The following PDE3A variants were observed in gnomAD, a reference collection of about 807,000 sequenced individuals.
PDE3A encodes phosphodiesterase 3A.
PDE3A carries 43 observed loss-of-function variants against 98.3 expected under a neutral mutation model. The observed-to-expected ratio is 0.44, with a 90% confidence interval of 0.34 to 0.56. The LOEUF is 0.56. Among genes scored for constraint, PDE3A ranks in the 20% least tolerant of loss-of-function variants. The probability of loss-of-function intolerance (pLI) is 0.01; values close to 1 mark genes in which losing one functional copy is unlikely to be tolerated. For synonymous variants in PDE3A, 663 were observed against 567.9 expected, an observed-to-expected ratio of 1.17 and a Z score of -2.38; for missense variants, 1,427 against 1,440.7, an observed-to-expected ratio of 0.99 and a Z score of 0.15.
intron 1 of PDE3A, among the ~76,000 whole-genome samples, chr12:20,518,815 A>G (rs1047149609): frequency 6.6e-6 from 1 of 152,220 alleles, no homozygotes; most frequent in African/African-American, 2.4e-5. Flanking sequence ...CGCAACACTT[A>G]GATAGGACTT....
At chr12:20,420,448 A>T (rs1944493615) in intron 1 of PDE3A, among the ~76,000 whole-genome samples, 1 of 152,134 alleles carries the variant, frequency 6.6e-6, no homozygotes, top group African/African-American at 2.4e-5. Context: ...GGTAGAGGCT[A>T]CCCTGGAATA....
intron 1 of PDE3A, among the ~76,000 whole-genome samples, chr12:20,380,674 T>A (rs147552122): frequency 7.0e-4 from 106 of 151,890 alleles, no homozygotes; most frequent in African/African-American, 2.5e-3. Context: ...GTCAAGTTTC[T>A]TTTTATCTGT....
At position 20,486,228 on chromosome 12, in the gene PDE3A, C is replaced by T. The variant is rs573183907; in HGVS notation, c.961-70432C>T. 2.2e-4 allele frequency among the ~76,000 whole-genome samples: 33 copies of T among 152,126 alleles called. No individual in the cohort carries two copies. In the South Asian group the frequency reaches 3.5e-3, roughly 16 times the overall value. ...CAGTTCTACATGGCTGGGGAGGCCT[C>T]GGGAAACTTACAATCATGGTGGAAG... On this transcript the variant is annotated intron_variant, in intron 1 of 15. Coordinates refer to ENST00000359062, the MANE Select transcript of PDE3A (RefSeq NM_000921.5).
intron 1 of PDE3A, among the ~76,000 whole-genome samples, chr12:20,550,559 TA>T (rs1844437186): frequency 6.6e-6 from 1 of 152,086 alleles, no homozygotes; most frequent in African/African-American, 2.4e-5. Context: ...ATAATGCCAG[TA>T]AATCCATAAA....
At chr12:20,456,538 C>T (rs1565555259) in intron 1 of PDE3A, among the ~76,000 whole-genome samples, 1 of 152,126 alleles carries the variant, frequency 6.6e-6, no homozygotes, top group East Asian at 1.9e-4. Flanking sequence ...CAAAGCAAAA[C>T]CAACTTATAA....
rs555896942 is a variant in PDE3A at position 20,510,134 on chromosome 12, T to C, written c.961-46526T>C. Among the ~76,000 whole-genome samples, 8 of 152,174 alleles carry C rather than the reference T, an allele frequency of 5.3e-5. 1 individual carries two copies. In the South Asian group the frequency reaches 1.7e-3, roughly 32 times the overall value. Reference sequence around the variant, plus strand: ...GGCTTTATTTAGATAGCAACACATTTTATCAGTATTTTCTTCTAAATTTTT... The same window carrying C: ...GGCTTTATTTAGATAGCAACACATTCTATCAGTATTTTCTTCTAAATTTTT... On this transcript the variant is annotated intron_variant, in intron 1 of 15. Coordinates refer to ENST00000359062, the MANE Select transcript of PDE3A (RefSeq NM_000921.5).
chr12:20,613,250 G>A (rs1338417298), intron 2 of PDE3A, among the ~76,000 whole-genome samples, 193 bp from the exon 3 acceptor site: 1 of 152,022 alleles, frequency 6.6e-6, no homozygotes, highest in East Asian at 1.9e-4. Context: ...TAAAAAATGG[G>A]CCACAAATGC....
chr12:20,574,610 A>ACAT (rs1290953582), intron 2 of PDE3A, among the ~76,000 whole-genome samples: 45 of 151,992 alleles, frequency 3.0e-4, no homozygotes, highest in African/African-American at 1.1e-3. Context: ...ATCACCATCA[A>ACAT]CATCATCATC....
At chr12:20,398,839 GT>G (rs1200533822) in intron 1 of PDE3A, among the ~76,000 whole-genome samples, 1 of 152,148 alleles carries the variant, frequency 6.6e-6, no homozygotes, top group South Asian at 2.1e-4. Flanking sequence ...AATTTACCAT[GT>G]TAACCATTTT....
At chr12:20,462,038 G>A (rs1945260278) in intron 1 of PDE3A, among the ~76,000 whole-genome samples, 1 of 152,156 alleles carries the variant, frequency 6.6e-6, no homozygotes, top group Non-Finnish European at 1.5e-5. Context: ...CTTAGATGTA[G>A]ATAGAGTTGG....
At chr12:20,453,617 C>G (rs770823775) in intron 1 of PDE3A, among the ~76,000 whole-genome samples, 1 of 152,106 alleles carries the variant, frequency 6.6e-6, no homozygotes, top group East Asian at 1.9e-4. Context: ...CTTAAAGGAG[C>G]CAGAGAGGAA....
Position 20,438,111 on chromosome 12 carries a change from G to GAAGTCTTCCTATTCTT in PDE3A, c.960+67868_960+67883dup, listed in dbSNP as rs1476753692. Among the ~76,000 whole-genome samples, 10 of 152,152 alleles carry GAAGTCTTCCTATTCTT rather than the reference G, an allele frequency of 6.6e-5. No homozygotes were observed. The South Asian group carries it at 1.5e-3, about 22-fold the overall frequency. On this transcript the variant is annotated intron_variant, in intron 1 of 15. Coordinates refer to ENST00000359062, the MANE Select transcript of PDE3A (RefSeq NM_000921.5). ...TCTCCGATAGCTGATTCTCTCTCGA[G>GAAGTCTTCCTATTCTT]AAGTCTTCCTATTCTTGGATGTAGA...
chr12:20,545,271 AAAGCAGTATATAGGAAG>A (rs1468716054), intron 1 of PDE3A, among the ~76,000 whole-genome samples: 1 of 152,078 alleles, frequency 6.6e-6, no homozygotes, highest in Non-Finnish European at 1.5e-5. Context: ...GAAACATTCT[AAAGCAGTATATAGGAAG>A]ATCATTATCA....
rs1945979286 is a variant in PDE3A, at chr12:20,686,902, C to A, written c.*6631C>A. Among the ~76,000 whole-genome samples, 1 of 152,046 alleles carries A rather than the reference C, an allele frequency of 6.6e-6. No individual in the cohort carries two copies. The stretch of plus-strand genomic sequence containing the variant: ...ACACTACATAAAATTTGCAGGGTAT[C>A]CCAGGACACCCCTCAGTCTTTAATA... On this transcript the variant is annotated 3_prime_UTR_variant, in exon 16 of 16. Coordinates refer to ENST00000359062, the MANE Select transcript of PDE3A (RefSeq NM_000921.5).
At chr12:20,563,923 C>A (rs1262903415) in intron 2 of PDE3A, among the ~76,000 whole-genome samples, 1 of 152,068 alleles carries the variant, frequency 6.6e-6, no homozygotes, top group Non-Finnish European at 1.5e-5. Context: ...TTTGAAATTG[C>A]TTTTATTTAG....
chr12:20,453,498 A>G (rs2120896217), intron 1 of PDE3A, among the ~76,000 whole-genome samples: 1 of 152,214 alleles, frequency 6.6e-6, no homozygotes, highest in African/African-American at 2.4e-5. Context: ...ATAATGTAGA[A>G]GTCATTTGCT....
At chr12:20,575,759 C>T (rs1261411403) in intron 2 of PDE3A, among the ~76,000 whole-genome samples, 1 of 151,512 alleles carries the variant, frequency 6.6e-6, no homozygotes, top group African/African-American at 2.4e-5. Flanking sequence ...CTTTCATCCT[C>T]CTATTTTTTT....
intron 1 of PDE3A, among the ~76,000 whole-genome samples, chr12:20,500,417 G>GA (rs1946000336): frequency 1.3e-5 from 2 of 152,020 alleles, no homozygotes; most frequent in South Asian, 4.1e-4. Context: ...TTGTTAAAAA[G>GA]AAAAAGATGA....
At chr12:20,607,446 AAAAAAG>A (rs1943737677) in intron 2 of PDE3A, among the ~76,000 whole-genome samples, 1 of 151,704 alleles carries the variant, frequency 6.6e-6, no homozygotes, top group Admixed American at 6.6e-5. Context: ...CAAAAAAAAA[AAAAAAG>A]AAAAAAGAAA....
Sources: allele counts gnomAD v4.1 joint callset (sites outside exome capture counted in the v4.1 genomes callset), GRCh38; gene constraint gnomAD v4.1.1; transcripts MANE v1.5; gene names NCBI Gene and HGNC (gene_info 2026-07-23, HGNC 2026-07-21).